SNX29: variants seen among roughly 807,000 people sequenced by gnomAD.
SNX29 encodes the protein sorting nexin 29, also known as sorting nexin-29.
Under a neutral mutation model 102.1 loss-of-function variants are expected in SNX29, and 78 were observed. That is an observed-to-expected ratio of 0.76 (90% CI 0.64 to 0.92). The LOEUF (loss-of-function observed/expected upper bound fraction) is 0.92. Among genes scored for constraint, SNX29 ranks in the 40% least tolerant of loss-of-function variants. SNX29 has a pLI of 0.00. For missense variants in SNX29, 1,280 were observed against 1,061.7 expected (o/e 1.21, Z -2.86); for synonymous variants, 580 against 414.5 (o/e 1.40, Z -4.85).
At chr16:12,446,862 G>A (rs1409998903) in intron 18 of SNX29, among the ~76,000 whole-genome samples, 2 of 151,946 alleles carry the variant, frequency 1.3e-5, no homozygotes, top group African/African-American at 4.8e-5. Context: ...TCTAAGGGCA[G>A]GATTGACATA....
intron 2 of SNX29, among the ~76,000 whole-genome samples, chr16:12,001,364 C>T (rs573604169): frequency 2.6e-5 from 4 of 152,260 alleles, no homozygotes; most frequent in South Asian, 2.1e-4. Context: ...CCGCCCAACT[C>T]GGCCGTCCTA....
intron 8 of SNX29, chr16:12,060,900 C>G (rs1473159071): frequency 4.4e-6 from 2 of 455,926 alleles, no homozygotes; most frequent in Admixed American, 4.7e-5. Context: ...GACTCCCTTT[C>G]TTGGAAGGGA....
At chr16:12,468,874 G>A (rs952721975) in intron 18 of SNX29, among the ~76,000 whole-genome samples, 1 of 152,188 alleles carries the variant, frequency 6.6e-6, no homozygotes, top group Non-Finnish European at 1.5e-5. Flanking sequence ...AACAGCACAG[G>A]CAGTGTCAGC....
intron 20 of SNX29, among the ~76,000 whole-genome samples, chr16:12,563,401 G>C (rs903059788): frequency 1.3e-5 from 2 of 152,224 alleles, no homozygotes; most frequent in East Asian, 1.9e-4. Flanking sequence ...CATGAAAATA[G>C]ATGGCGACTG....
chr16:12,110,444 C>T (rs970125571), intron 11 of SNX29, among the ~76,000 whole-genome samples: 8 of 152,074 alleles, frequency 5.3e-5, no homozygotes, highest in Admixed American at 3.9e-4. Context: ...ATGACTCAGA[C>T]CATAGACTGT....
At chr16:12,182,986 T>G (rs1260888315) in intron 13 of SNX29, among the ~76,000 whole-genome samples, 1 of 151,444 alleles carries the variant, frequency 6.6e-6, no homozygotes, top group Non-Finnish European at 1.5e-5. Context: ...AATATGGATT[T>G]ATTTATTCAT....
chr16:12,078,228 A>C (rs2051677932), intron 10 of SNX29, among the ~76,000 whole-genome samples: 1 of 151,552 alleles, frequency 6.6e-6, no homozygotes, highest in South Asian at 2.1e-4. Context: ...TAATCCCAGC[A>C]CTTTGGGAGG....
At position 12,235,405 on chromosome 16, in the gene SNX29, G is replaced by A. The variant is rs59548104; in HGVS notation, c.1678+35722G>A. 2.9e-4 allele frequency among the ~76,000 whole-genome samples: 44 copies of A among 152,240 alleles called. No homozygotes were observed. In the East Asian group the frequency reaches 7.7e-3, roughly 27 times the overall value. On this transcript the variant is annotated intron_variant, in intron 14 of 20. Transcript: ENST00000566228. ...TTAATTTGAAATTTGGTTAGGAAGC[G>A]GCAGTGATCCATTTTCACATTTGGA... is the stretch of plus-strand genomic sequence containing the variant.
At chr16:12,366,088 T>TG (rs1052027780) in intron 16 of SNX29, among the ~76,000 whole-genome samples, 2 of 120,892 alleles carry the variant, frequency 1.7e-5, no homozygotes, top group Non-Finnish European at 3.6e-5. Context: ...AATGATTGAG[T>TG]GGGGGGTTTG....
chr16:12,140,585 AGAGGGCTTGT>A (rs1482807820), intron 13 of SNX29, among the ~76,000 whole-genome samples: 1 of 152,140 alleles, frequency 6.6e-6, no homozygotes, highest in Non-Finnish European at 1.5e-5. Context: ...TTGCTTCCAC[AGAGGGCTTGT>A]GACGCTTGGA....
chr16:12,531,089 A>G (rs1008658378), intron 20 of SNX29, among the ~76,000 whole-genome samples: 1 of 152,232 alleles, frequency 6.6e-6, no homozygotes, highest in East Asian at 1.9e-4. Flanking sequence ...TGTGCATTTT[A>G]AATTTTTCCT....
At chr16:12,311,844 A>C (rs1012277596) in intron 15 of SNX29, among the ~76,000 whole-genome samples, 1 of 152,338 alleles carries the variant, frequency 6.6e-6, no homozygotes, top group Admixed American at 6.5e-5. Context: ...TGTTGGTTTA[A>C]CTTAACATAG....
chr16:12,005,205 G>A (rs767388170), intron 3 of SNX29, among the ~76,000 whole-genome samples: 8 of 152,280 alleles, frequency 5.3e-5, no homozygotes, highest in Non-Finnish European at 8.8e-5. Context: ...TAGATCATTC[G>A]ACTGATTGAT....
intron 14 of SNX29, among the ~76,000 whole-genome samples, chr16:12,254,502 G>A (rs1596644674): frequency 6.6e-6 from 1 of 152,196 alleles, no homozygotes. Flanking sequence ...TGAGTCAGGC[G>A]TGGTGGTGCG....
intron 19 of SNX29, among the ~76,000 whole-genome samples, chr16:12,505,781 A>AAAT (rs1341876809): frequency 2.6e-5 from 4 of 151,384 alleles, no homozygotes; most frequent in African/African-American, 9.7e-5. Context: ...AAAAAAAAAA[A>AAAT]AAGGCAACTG....
chr16:12,236,522 T>G (rs920951145), intron 14 of SNX29, among the ~76,000 whole-genome samples: 1 of 152,224 alleles, frequency 6.6e-6, no homozygotes, highest in African/African-American at 2.4e-5. Flanking sequence ...TGCATGACTT[T>G]CCGCATCCCT....
At chr16:12,342,578 T>C (rs773253107) in intron 15 of SNX29, among the ~76,000 whole-genome samples, 3 of 152,228 alleles carry the variant, frequency 2.0e-5, no homozygotes, top group Non-Finnish European at 2.9e-5. Context: ...TGTGTGTCAA[T>C]CAAAGCTGTA....
chr16:12,260,904 T>A (rs938471641), intron 14 of SNX29, among the ~76,000 whole-genome samples: 1 of 145,730 alleles, frequency 6.9e-6, no homozygotes, highest in South Asian at 2.2e-4. Flanking sequence ...GGAGTGAGTG[T>A]TTGTTGAGCT....
intron 18 of SNX29, among the ~76,000 whole-genome samples, chr16:12,431,048 C>T (rs573487377): frequency 6.6e-6 from 1 of 152,228 alleles, no homozygotes; most frequent in Admixed American, 6.5e-5. Flanking sequence ...GACGGAGTTT[C>T]ACCGTGTTGG....
Sources: allele counts gnomAD v4.1 joint callset (sites outside exome capture counted in the v4.1 genomes callset), GRCh38; gene constraint gnomAD v4.1.1; transcripts MANE v1.5; gene names NCBI Gene and HGNC (gene_info 2026-07-23, HGNC 2026-07-21).